Variants in GPC5 observed in about 807,000 individuals in gnomAD.
GPC5 encodes the protein glypican 5, also known as glypican-5.
GPC5 carries 47 observed loss-of-function variants against 53.9 expected under a neutral mutation model. The observed-to-expected ratio is 0.87, with a 90% confidence interval of 0.69 to 1.11. The LOEUF (loss-of-function observed/expected upper bound fraction) is 1.11. GPC5 is among the 50% of genes most tolerant of loss of function. The probability of loss-of-function intolerance (pLI) is 0.00; values close to 1 mark genes in which losing one functional copy is unlikely to be tolerated. For synonymous variants in GPC5, 286 were observed against 263.3 expected, an observed-to-expected ratio of 1.09 and a Z score of -0.84; for missense variants, 748 against 713.1, an observed-to-expected ratio of 1.05 and a Z score of -0.56.
intron 5 of GPC5, among the ~76,000 whole-genome samples, chr13:91,906,999 A>C (rs1250695991): frequency 2.0e-5 from 3 of 149,854 alleles, no homozygotes; most frequent in Non-Finnish European, 3.0e-5. Flanking sequence ...TTTTATATAT[A>C]TATATATGCC....
intron 5 of GPC5, among the ~76,000 whole-genome samples, chr13:91,839,713 G>T (rs1234392474): frequency 6.6e-6 from 1 of 151,986 alleles, no homozygotes; most frequent in Admixed American, 6.6e-5. Flanking sequence ...GTGTTGGCCT[G>T]GGGCTGAAAT....
chr13:92,177,213 C>T lies in GPC5; in HGVS notation c.1561+32224C>T, dbSNP rs114651196. On this transcript the variant is annotated intron_variant, in intron 7 of 7. Transcript: ENST00000377067. ...CACGGCATCTCAACTTGTATCAGAA[C>T]ATGTTGTTTTCTAGCCCCTTAAGCC... is the stretch of plus-strand genomic sequence containing the variant. Among the ~76,000 whole-genome samples the T allele has an allele frequency of 5.2e-3, 786 of 152,280 alleles. 7 individuals are homozygous for T. Among genetic ancestry groups the T allele is most frequent in the African/African-American group, 0.018 (753 of 41,558 alleles).
rs559534973 is a variant in GPC5, at chr13:92,379,808, G to A, written c.1561+234819G>A. 3.3e-5 allele frequency among the ~76,000 whole-genome samples: 5 copies of A among 152,242 alleles called. No individual in the cohort carries two copies. The East Asian group carries it at 9.7e-4, about 29-fold the overall frequency. On this transcript the variant is annotated intron_variant, in intron 7 of 7. Transcript: ENST00000377067. The stretch of plus-strand genomic sequence containing the variant: ...AATGTTGCCTCTCTCACTTACACAT[G>A]GCTCACAGCAAGGATCCTCTCTGGC...
chr13:91,503,243 G>A (rs1884747091), intron 2 of GPC5, among the ~76,000 whole-genome samples: 1 of 152,090 alleles, frequency 6.6e-6, no homozygotes, highest in Non-Finnish European at 1.5e-5. Context: ...AATGATGAGA[G>A]ATTATGTCTT....
At chr13:91,454,619 C>T (rs1427695307) in intron 2 of GPC5, among the ~76,000 whole-genome samples, 1 of 151,986 alleles carries the variant, frequency 6.6e-6, no homozygotes, top group African/African-American at 2.4e-5. Context: ...AGATACTCAG[C>T]AAATATAATT....
intron 7 of GPC5, among the ~76,000 whole-genome samples, chr13:92,478,123 G>T (rs1283107863): frequency 2.0e-5 from 3 of 152,064 alleles, no homozygotes; most frequent in Non-Finnish European, 1.5e-5. Context: ...TGATCACGGA[G>T]AATTTGTTCA....
At chr13:92,792,712 CA>C (rs1278749514) in intron 7 of GPC5, among the ~76,000 whole-genome samples, 1 of 151,662 alleles carries the variant, frequency 6.6e-6, no homozygotes, top group African/African-American at 2.4e-5. Flanking sequence ...AAATGGAAAG[CA>C]AAAAAAGCAG....
chr13:92,155,849 G>A (rs535215393), intron 7 of GPC5, among the ~76,000 whole-genome samples: 7 of 151,944 alleles, frequency 4.6e-5, no homozygotes, highest in African/African-American at 9.6e-5. Flanking sequence ...CTTTTAGCTC[G>A]CTTTGAAGTG....
intron 7 of GPC5, among the ~76,000 whole-genome samples, chr13:92,471,866 G>T (rs1191145703): frequency 1.3e-5 from 2 of 152,092 alleles, no homozygotes; most frequent in East Asian, 3.9e-4. Context: ...GAGCTGGAGG[G>T]TGAAATAAGT....
chr13:91,585,899 A>G (rs1454867649), intron 2 of GPC5, among the ~76,000 whole-genome samples: 6 of 152,170 alleles, frequency 3.9e-5, no homozygotes, highest in Admixed American at 3.9e-4. Flanking sequence ...AGAAAAAACA[A>G]GAAACTATAT....
chr13:92,573,075 T>A (rs1229539165), intron 7 of GPC5, among the ~76,000 whole-genome samples: 5 of 152,184 alleles, frequency 3.3e-5, no homozygotes, highest in Admixed American at 1.3e-4. Flanking sequence ...TTTATGAGAT[T>A]TTTTTGTAAG....
At chr13:92,423,811 G>A (rs143515882) in intron 7 of GPC5, among the ~76,000 whole-genome samples, 1 of 152,154 alleles carries the variant, frequency 6.6e-6, no homozygotes, top group Admixed American at 6.5e-5. Flanking sequence ...GTTATGACCT[G>A]AGGATCTATC....
intron 7 of GPC5, among the ~76,000 whole-genome samples, chr13:92,698,150 C>T (rs1420409676): frequency 6.6e-6 from 1 of 151,824 alleles, no homozygotes; most frequent in African/African-American, 2.4e-5. Flanking sequence ...GGATATTGGC[C>T]TGAAATTTTC....
At chr13:91,496,851 A>G (rs1884294730) in intron 2 of GPC5, among the ~76,000 whole-genome samples, 1 of 152,204 alleles carries the variant, frequency 6.6e-6, no homozygotes, top group Admixed American at 6.5e-5. Context: ...TGAATGTTAC[A>G]CATTGCATGC....
chr13:92,211,278 TTA>T (rs769559324), intron 7 of GPC5, among the ~76,000 whole-genome samples: 2 of 152,142 alleles, frequency 1.3e-5, no homozygotes, highest in African/African-American at 4.8e-5. Flanking sequence ...AATGGGTGTT[TTA>T]TATGTTTTCT....
At chr13:92,323,447 TTGAAC>T (rs1255386260) in intron 7 of GPC5, among the ~76,000 whole-genome samples, 1 of 151,422 alleles carries the variant, frequency 6.6e-6, no homozygotes, top group African/African-American at 2.4e-5. Context: ...ATTAACTAGT[TTGAAC>T]TGATTAGATG....
chr13:92,026,072 G>T (rs950486259), intron 6 of GPC5, among the ~76,000 whole-genome samples: 1 of 152,118 alleles, frequency 6.6e-6, no homozygotes, highest in African/African-American at 2.4e-5. Flanking sequence ...TAACAAAAAT[G>T]ATTGCTTTTA....
At chr13:91,500,871 A>G (rs764115204) in intron 2 of GPC5, among the ~76,000 whole-genome samples, 1 of 152,144 alleles carries the variant, frequency 6.6e-6, no homozygotes, top group African/African-American at 2.4e-5. Context: ...TGGTTCCCCC[A>G]TACTGTTCTC....
chr13:92,863,665 G>C (rs1287685637), intron 7 of GPC5, among the ~76,000 whole-genome samples: 1 of 152,050 alleles, frequency 6.6e-6, no homozygotes, highest in Non-Finnish European at 1.5e-5. Flanking sequence ...GGCTAATTTT[G>C]TATTTTTAGT....
Sources: gnomAD v4.1 joint callset for allele counts (sites outside exome capture counted in the v4.1 genomes callset) on GRCh38, gnomAD v4.1.1 for gene constraint, MANE v1.5 for transcripts, NCBI Gene and HGNC (gene_info 2026-07-23, HGNC 2026-07-21) for gene names.